The following SLC10A7 variants were observed in gnomAD, a reference collection of about 807,000 sequenced individuals.
The protein encoded by SLC10A7 is solute carrier family 10 member 7.
A neutral mutation model predicts 43.2 loss-of-function variants in SLC10A7; 29 were observed. The ratio of observed to expected loss-of-function variants is 0.67; its 90% confidence interval spans 0.50 to 0.92. The LOEUF (loss-of-function observed/expected upper bound fraction) is 0.92. Among genes scored for constraint, SLC10A7 ranks in the 40% least tolerant of loss-of-function variants. The probability of loss-of-function intolerance (pLI) is 0.00; values close to 1 mark genes in which losing one functional copy is unlikely to be tolerated. For missense variants in SLC10A7, 295 were observed against 403.2 expected, an observed-to-expected ratio of 0.73 and a Z score of 2.30; for synonymous variants, 152 against 144.8, an observed-to-expected ratio of 1.05 and a Z score of -0.35.
Position 146,424,730 on chromosome 4 carries a change from A to G in SLC10A7, c.435+18053T>C, listed in dbSNP as rs115265317. Among the ~76,000 whole-genome samples the G allele has an allele frequency of 2.7e-3, 416 of 152,258 alleles. 2 individuals are homozygous for G. The highest frequency in any genetic ancestry group is 9.3e-3 in the African/African-American group (387 of 41,562). On this transcript the variant is annotated intron_variant, in intron 5 of 11. Coordinates refer to ENST00000335472, the MANE Select transcript of SLC10A7 (RefSeq NM_001029998.6). ...GAAACCATGAGTTAAATATAAAACC[A>G]TATTTGAGACTCTGAAAATGAACTG... is the stretch of plus-strand genomic sequence containing the variant.
intron 6 of SLC10A7, among the ~76,000 whole-genome samples, chr4:146,323,197 C>T (rs1395164264): frequency 6.6e-6 from 1 of 152,172 alleles, no homozygotes; most frequent in South Asian, 2.1e-4. Context: ...GTTTCTTTTG[C>T]TGTGCAGAAG....
At chr4:146,424,561 G>T (rs1729188665) in intron 5 of SLC10A7, among the ~76,000 whole-genome samples, 1 of 151,960 alleles carries the variant, frequency 6.6e-6, no homozygotes, top group South Asian at 2.1e-4. Context: ...TCAGGAGGCT[G>T]AGGTAGGAGA....
At chr4:146,260,865 G>C (rs867067075) in intron 10 of SLC10A7, among the ~76,000 whole-genome samples, 9 of 151,978 alleles carry the variant, frequency 5.9e-5, no homozygotes, top group Middle Eastern at 6.8e-3. Flanking sequence ...CACTTCCAGG[G>C]GCAGTATGGT....
At chr4:146,459,116 A>G (rs779502353) in intron 4 of SLC10A7, among the ~76,000 whole-genome samples, 12 of 151,838 alleles carry the variant, frequency 7.9e-5, no homozygotes, top group Non-Finnish European at 1.6e-4. Context: ...AAACAGTTTA[A>G]AGAACATGAA....
chr4:146,319,242 A>T (rs1008708687), intron 6 of SLC10A7, among the ~76,000 whole-genome samples: 5 of 152,024 alleles, frequency 3.3e-5, no homozygotes, highest in African/African-American at 4.8e-5. Context: ...TTCCAGTCAC[A>T]CTGGCCACCT....
chr4:146,349,386 G>A (rs1054714154), intron 5 of SLC10A7, among the ~76,000 whole-genome samples: 1 of 152,182 alleles, frequency 6.6e-6, no homozygotes, highest in African/African-American at 2.4e-5. Context: ...GCAGGGAAAA[G>A]GGAACACTGG....
At chr4:146,364,881 C>A (rs1736287203) in intron 5 of SLC10A7, among the ~76,000 whole-genome samples, 1 of 151,978 alleles carries the variant, frequency 6.6e-6, no homozygotes, top group Admixed American at 6.6e-5. Context: ...AAAAAAAAAT[C>A]ATATGTACCC....
chr4:146,505,269 T>C (rs1297884576), intron 3 of SLC10A7, among the ~76,000 whole-genome samples: 2 of 152,226 alleles, frequency 1.3e-5, no homozygotes, highest in African/African-American at 4.8e-5. Flanking sequence ...ACCTGTATAA[T>C]GATCCATTTC....
intron 7 of SLC10A7, among the ~76,000 whole-genome samples, chr4:146,297,876 T>C (rs1377950904): frequency 6.6e-6 from 1 of 152,242 alleles, no homozygotes; most frequent in Non-Finnish European, 1.5e-5. Context: ...TTGAAAATTC[T>C]TCCCCTCTAT....
At chr4:146,361,497 C>T (rs958681746) in intron 5 of SLC10A7, among the ~76,000 whole-genome samples, 4 of 152,074 alleles carry the variant, frequency 2.6e-5, no homozygotes, top group Non-Finnish European at 5.9e-5. Context: ...TAGAAGGCTG[C>T]AACAGTTGCA....
At chr4:146,472,073 C>G (rs1017852330) in intron 4 of SLC10A7, among the ~76,000 whole-genome samples, 1 of 152,034 alleles carries the variant, frequency 6.6e-6, no homozygotes. Flanking sequence ...AAATATAAAT[C>G]CTTCAGCATC....
intron 10 of SLC10A7, among the ~76,000 whole-genome samples, chr4:146,264,548 C>G (rs768868628): frequency 6.6e-6 from 1 of 152,096 alleles, no homozygotes; most frequent in Non-Finnish European, 1.5e-5. Context: ...GTAGGGATAT[C>G]AGGAGAATGG....
At chr4:146,355,691 A>G (rs1735538485) in intron 5 of SLC10A7, among the ~76,000 whole-genome samples, 1 of 152,016 alleles carries the variant, frequency 6.6e-6, no homozygotes, top group Admixed American at 6.5e-5. Context: ...CATATACACC[A>G]TGGAATACCA....
intron 5 of SLC10A7, among the ~76,000 whole-genome samples, chr4:146,345,507 C>G (rs1214591754): frequency 6.6e-6 from 1 of 152,146 alleles, no homozygotes; most frequent in Non-Finnish European, 1.5e-5. Context: ...GGCCCTTGGT[C>G]TATTCCTTGA....
chr4:146,401,465 C>T (rs1241948494), intron 5 of SLC10A7, among the ~76,000 whole-genome samples: 1 of 152,112 alleles, frequency 6.6e-6, no homozygotes, highest in Non-Finnish European at 1.5e-5. Context: ...TTTGTATTTC[C>T]CAATGCCCAG....
intron 5 of SLC10A7, among the ~76,000 whole-genome samples, chr4:146,438,143 T>C (rs1199650443): frequency 6.6e-6 from 1 of 152,060 alleles, no homozygotes; most frequent in Non-Finnish European, 1.5e-5. Flanking sequence ...CAAATTTTTC[T>C]ACAAAGCAGG....
intron 9 of SLC10A7, among the ~76,000 whole-genome samples, chr4:146,288,805 T>C (rs1578795648): frequency 6.6e-6 from 1 of 152,366 alleles, no homozygotes; most frequent in East Asian, 1.9e-4. Context: ...ATTGATTTTC[T>C]TTTTATCCTG....
At chr4:146,504,294 C>A (rs1477588441) in intron 3 of SLC10A7, among the ~76,000 whole-genome samples, 1 of 152,014 alleles carries the variant, frequency 6.6e-6, no homozygotes, top group Non-Finnish European at 1.5e-5. Flanking sequence ...CCGAGATGGG[C>A]AGATCACGAG....
chr4:146,270,903 T>A (rs1276440041), intron 10 of SLC10A7, among the ~76,000 whole-genome samples: 3 of 152,226 alleles, frequency 2.0e-5, no homozygotes. Flanking sequence ...CAGACTCTTC[T>A]TCTAATACTT....
Sources: allele counts gnomAD v4.1 joint callset (sites outside exome capture counted in the v4.1 genomes callset), GRCh38; gene constraint gnomAD v4.1.1; transcripts MANE v1.5; gene names NCBI Gene and HGNC (gene_info 2026-07-23, HGNC 2026-07-21).